The following ZNFX1 variants were observed in gnomAD, a reference collection of about 807,000 sequenced individuals.
ZNFX1 encodes the protein zinc finger NFX1-type containing 1.
Under a neutral mutation model 179.8 loss-of-function variants are expected in ZNFX1, and 78 were observed. The observed-to-expected ratio is 0.43, with a 90% CI of 0.36 to 0.52. The LOEUF (loss-of-function observed/expected upper bound fraction) is 0.52, where lower values mean the gene tolerates loss of function less well. Among genes scored for constraint, ZNFX1 ranks in the 20% least tolerant of loss-of-function variants. The pLI is 0.00. For missense variants in ZNFX1, 1,927 were observed against 2,386.6 expected (o/e 0.81, Z 4.01); for synonymous variants, 848 against 868.5 (o/e 0.98, Z 0.42).
chr20:49,264,081 G>T (rs528341527), intron 5 of ZNFX1, among the ~76,000 whole-genome samples: 11 of 152,294 alleles, frequency 7.2e-5, no homozygotes, highest in Admixed American at 5.2e-4. Flanking sequence ...AATTAGCCAG[G>T]TGTGATGGCG....
Position 49,266,150 on chromosome 20 carries a change from C to T in ZNFX1, c.1987G>A (p.Asp663Asn). 6.2e-7 allele frequency: 1 copy of T among 1,608,236 alleles called. No individual in the cohort carries two copies. The highest frequency in any genetic ancestry group is 8.5e-7 in the Non-Finnish European group (1 of 1,178,458). The change falls in exon 4 of 14, where the codon GAC (aspartate) becomes AAC (asparagine). Residue 663 changes from aspartate to asparagine, a missense_variant. Asp to Asn is a conservative substitution (Grantham distance 23, BLOSUM62 1). Transcript: ENST00000396105. The part of the protein sequence containing the change: ...LVVCYTNHAL[D>N]QFLEGIYNCQ... ...TAAGTATTACCTTCCAGAAACTGGTCCAAAGCATGATTAGTATAACACACA... is the reference window on the plus strand; with the variant it reads ...TAAGTATTACCTTCCAGAAACTGGTTCAAAGCATGATTAGTATAACACACA...
intron 3 of ZNFX1, among the ~76,000 whole-genome samples, chr20:49,267,666 G>C (rs566973991): frequency 2.0e-5 from 3 of 152,166 alleles, no homozygotes; most frequent in Non-Finnish European, 2.9e-5. Context: ...TAGAATTAGA[G>C]AGTGGCACCT....
intron 7 of ZNFX1, 84 bp downstream of exon 7, chr20:49,260,379 G>T: frequency 1.2e-6 from 1 of 814,542 alleles, no homozygotes. Flanking sequence ...TATTTATTCT[G>T]GGAATTATTT....
rs1426971700 is a variant in ZNFX1, at chr20:49,257,402, A to G, written c.2664+15T>C. On this transcript the variant is annotated intron_variant, in intron 8 of 13. Transcript: ENST00000396105. ...ACACTCTCAGGCCTGTTTCAACCCA[A>G]GGAAGTGAGTTTACCTGCCACTCTC... 1.9e-6 allele frequency: 3 copies of G among 1,613,688 alleles called. No homozygotes were observed. The highest frequency in any genetic ancestry group is 1.7e-6 in the Non-Finnish European group (2 of 1,179,692).
intron 10 of ZNFX1, 134 bp from the exon 11 acceptor site, chr20:49,253,945 G>A: frequency 9.4e-7 from 1 of 1,061,834 alleles, no homozygotes; most frequent in Non-Finnish European, 1.4e-6. Context: ...ATAGTGTTCT[G>A]GGTGGTCTCC....
In ZNFX1 at chr20:49,259,116, AAAT is replaced by A. The variant is rs201906986; in HGVS notation, c.2416+1344_2416+1346del. Among the ~76,000 whole-genome samples the A allele has an allele frequency of 1.1e-3, 107 of 94,968 alleles. 1 individual carries two copies. The South Asian group carries it at 0.013, about 12-fold the overall frequency. The allele number at this position is 94,968 out of a possible 152,430, so 62.3% of individuals were successfully genotyped here. On this transcript the variant is annotated intron_variant, in intron 7 of 13. Coordinates refer to ENST00000396105, the MANE Select transcript of ZNFX1 (RefSeq NM_021035.3). ...GACTGTGAGACTCAGTCTCAAAAAA[AAAT>A]AAATAAATAAATAAATAAATAAAAT...
intron 8 of ZNFX1, 81 bp from the exon 9 acceptor site, chr20:49,256,028 G>GT (rs775833492): frequency 1.3e-6 from 2 of 1,506,470 alleles, no homozygotes; most frequent in South Asian, 1.2e-5. Flanking sequence ...GTCACAGCAC[G>GT]TAAGAAAAAG....
chr20:49,246,700 T>C lies in ZNFX1; in HGVS notation c.*567A>G, dbSNP rs1054741327. On this transcript the variant is annotated 3_prime_UTR_variant, in exon 14 of 14. Transcript: ENST00000396105. ...TGGCCCTAGGTGGAAGCCCCAAACATGTTCCAGGGAGTCTGTCCACTAATT... is the reference window on the plus strand; with the variant it reads ...TGGCCCTAGGTGGAAGCCCCAAACACGTTCCAGGGAGTCTGTCCACTAATT... 1.9e-5 allele frequency: 7 copies of C among 369,756 alleles called. No individual in the cohort carries two copies. Among genetic ancestry groups the C allele is most frequent in the Admixed American group, 1.1e-4 (3 of 27,872 alleles). 22.9% of individuals were successfully genotyped at this position (369,756 alleles called of 1,614,324 possible). A position where few individuals can be genotyped will look rare whatever the true frequency, so the allele number is the denominator to read the frequency against.
At position 49,257,478 on chromosome 20, in the gene ZNFX1, C is replaced by T; in HGVS notation, c.2603G>A (p.Arg868Lys). Residue 868 changes from arginine (R) to lysine (K), a missense_variant, in exon 8 of 14, where the codon AGG becomes AAG. Arg to Lys is a conservative substitution (Grantham distance 26). Coordinates refer to ENST00000396105, the MANE Select transcript of ZNFX1 (RefSeq NM_021035.3). ...QELAKMLLAM[R>K]LDHCGTGTAA... is the part of the protein sequence containing the mutation. ...TGTCCCAGTGCCACAATGGTCTAGC[C>T]TCATGGCCAGAAGCATTTTAGCCAA... The T allele has an allele frequency of 6.2e-7, 1 of 1,614,070 alleles. No individual in the cohort carries two copies. The highest frequency in any genetic ancestry group is 1.1e-5 in the South Asian group (1 of 91,072).
chr20:49,252,475 T>A (rs1363331715), intron 12 of ZNFX1, among the ~76,000 whole-genome samples: 1 of 149,910 alleles, frequency 6.7e-6, no homozygotes, highest in Admixed American at 6.6e-5. Flanking sequence ...GGAAAGAAAA[T>A]CTAGAGAGAT....
rs1465016407 is a variant in ZNFX1 at position 49,246,041 on chromosome 20, G to A, written c.*1226C>T. The A allele has an allele frequency of 6.5e-6, 1 of 152,678 alleles. No individual in the cohort carries two copies. Among genetic ancestry groups the A allele is most frequent in the East Asian group, 1.9e-4 (1 of 5,188 alleles). The allele number at this position is 152,678 out of a possible 1,614,324, so 9.5% of individuals were successfully genotyped here. On this transcript the variant is annotated 3_prime_UTR_variant, in exon 14 of 14. Coordinates refer to ENST00000396105, the MANE Select transcript of ZNFX1 (RefSeq NM_021035.3). Reference sequence around the variant, plus strand: ...TCTGTTCTAAGGAACACTGGAAGGAGGGAATGCAGATGCAGGCAGCAGGCC... The same window carrying A: ...TCTGTTCTAAGGAACACTGGAAGGAAGGAATGCAGATGCAGGCAGCAGGCC...
Position 49,249,211 on chromosome 20 carries a change from G to A in ZNFX1, c.3813C>T (p.His1271=), listed in dbSNP as rs370727213. 31 of 1,614,138 alleles carry A rather than the reference G, an allele frequency of 1.9e-5. No individual in the cohort carries two copies. In the East Asian group the frequency reaches 3.8e-4, roughly 20 times the overall value. Residue 1271 remains histidine, a synonymous_variant, in exon 14 of 14, where the codon CAC becomes CAT. Coordinates refer to ENST00000396105, the MANE Select transcript of ZNFX1 (RefSeq NM_021035.3). ...RLCCQNHPET[H]TLVSKASDFQ... Reference sequence around the variant, plus strand: ...AGTCAGAAGCTTTGGATACTAAGGTGTGGGTTTCAGGGTGGTTCTGGCAGC... The same window carrying A: ...AGTCAGAAGCTTTGGATACTAAGGTATGGGTTTCAGGGTGGTTCTGGCAGC...
intron 1 of ZNFX1, among the ~76,000 whole-genome samples, chr20:49,277,034 G>C (rs1981583214): frequency 6.6e-6 from 1 of 151,884 alleles, no homozygotes; most frequent in Non-Finnish European, 1.5e-5. Flanking sequence ...AAAAAGGCAA[G>C]GGAAGGAAGG....
chr20:49,274,080 G>A (rs148037839), intron 2 of ZNFX1, among the ~76,000 whole-genome samples: 2 of 152,342 alleles, frequency 1.3e-5, no homozygotes, highest in East Asian at 3.9e-4. Context: ...TGCTGAGCAA[G>A]CAGAATAATT....
At position 49,247,932 on chromosome 20, in the gene ZNFX1, C is replaced by T. The variant is rs1347667533; in HGVS notation, c.5092G>A (p.Asp1698Asn). Reference sequence around the variant, plus strand: ...ATGTAATTCTCAACCAGACCCAGGTCCTTCACTGACAGATTTTTCTGGGCC... The same window carrying T: ...ATGTAATTCTCAACCAGACCCAGGTTCTTCACTGACAGATTTTTCTGGGCC... Reference protein sequence around the residue: ...KLAQKNLSVKDLGLVENYISF... With the variant: ...KLAQKNLSVKNLGLVENYISF... The change falls in exon 14 of 14, where the codon GAC (aspartate) becomes AAC (asparagine). Residue 1698 changes from aspartate to asparagine, a missense_variant. Transcript: ENST00000396105. 2 of 1,613,866 alleles carry T rather than the reference C, an allele frequency of 1.2e-6. No homozygotes were observed. Among genetic ancestry groups the T allele is most frequent in the African/African-American group, 2.7e-5 (2 of 74,878 alleles).
chr20:49,251,721 G>T, intron 12 of ZNFX1, 99 bp from the exon 13 acceptor site: 1 of 896,544 alleles, frequency 1.1e-6, no homozygotes, highest in Non-Finnish European at 1.7e-6. Context: ...GGGAGGGCCA[G>T]TTGTGATGGC....
chr20:49,259,534 G>A (rs1194784180), intron 7 of ZNFX1, among the ~76,000 whole-genome samples: 2 of 151,134 alleles, frequency 1.3e-5, no homozygotes, highest in African/African-American at 2.4e-5. Flanking sequence ...CCATCCTCTC[G>A]CCTCAGCCAC....
Position 49,257,465 on chromosome 20 carries a change from A to G in ZNFX1, c.2616T>C (p.Cys872=), listed in dbSNP as rs770275262. 4.3e-6 allele frequency: 7 copies of G among 1,614,106 alleles called. No individual in the cohort carries two copies. The South Asian group carries it at 6.6e-5, about 15-fold the overall frequency. ...CCTGTCCAGCTGCTGTCCCAGTGCC[A>G]CAATGGTCTAGCCTCATGGCCAGAA... is the stretch of plus-strand genomic sequence containing the variant. ...KMLLAMRLDH[C]GTGTAAGQEQ... is the part of the protein sequence containing the mutation. Residue 872 remains cysteine, a synonymous_variant, in exon 8 of 14, where the codon TGT becomes TGC. Transcript: ENST00000396105.
chr20:49,251,064 A>G (rs1980824885), intron 13 of ZNFX1, among the ~76,000 whole-genome samples: 1 of 151,864 alleles, frequency 6.6e-6, no homozygotes, highest in Non-Finnish European at 1.5e-5. Flanking sequence ...AATTGGGATT[A>G]AAAAACCCTG....
Sources: gnomAD v4.1 joint callset for allele counts (sites outside exome capture counted in the v4.1 genomes callset) on GRCh38, gnomAD v4.1.1 for gene constraint, MANE v1.5 for transcripts, NCBI Gene and HGNC (gene_info 2026-07-23, HGNC 2026-07-21) for gene names.